The following MSN variants were observed in gnomAD, a reference collection of about 807,000 sequenced individuals.
The protein encoded by MSN is epididymis luminal protein 70.
Under a neutral mutation model 48.0 loss-of-function variants are expected in MSN, and 2 were observed. The observed-to-expected ratio is 0.04, with a 90% CI of 0.02 to 0.13. The LOEUF (loss-of-function observed/expected upper bound fraction) is 0.13. MSN is among the 10% of genes least tolerant of loss of function. MSN has a pLI of 1.00. For synonymous variants in MSN, 146 were observed against 166.9 expected, an observed-to-expected ratio of 0.87 and a Z score of 0.97; for missense variants, 267 against 470.1, an observed-to-expected ratio of 0.57 and a Z score of 3.99.
intron 1 of MSN, among the ~76,000 whole-genome samples, chrX:65,615,715 T>C (rs2070364464): frequency 1.8e-5 from 2 of 109,009 alleles, no homozygotes; most frequent in Admixed American, 2.0e-4. Context: ...TTTAATTAGA[T>C]CCCATTTGTC....
chrX:65,606,315 G>A (rs779300164), intron 1 of MSN, among the ~76,000 whole-genome samples: 1 of 107,741 alleles, frequency 9.3e-6, no homozygotes, highest in African/African-American at 3.4e-5. Flanking sequence ...TTTTAGTAGA[G>A]ATGGGGTTTC....
At chrX:65,647,844 G>A (rs1274965193) in intron 1 of MSN, among the ~76,000 whole-genome samples, 1 of 112,079 alleles carries the variant, frequency 8.9e-6, no homozygotes, top group Admixed American at 9.5e-5. Context: ...CCATGACAAC[G>A]ATTCTTTTCA....
chrX:65,592,487 C>T (rs2070155784), intron 1 of MSN, among the ~76,000 whole-genome samples: 1 of 109,568 alleles, frequency 9.1e-6, no homozygotes, highest in African/African-American at 3.3e-5. Flanking sequence ...AGCCACTGTG[C>T]CTGGTCTCTC....
intron 1 of MSN, among the ~76,000 whole-genome samples, chrX:65,595,060 T>C (rs976607749): frequency 9.0e-6 from 1 of 111,619 alleles, no homozygotes. Flanking sequence ...AGTAGGGCCT[T>C]CCCTGAATAC....
At chrX:65,631,835 C>T (rs1490074640) in intron 1 of MSN, among the ~76,000 whole-genome samples, 6 of 111,237 alleles carry the variant, frequency 5.4e-5, no homozygotes, top group Non-Finnish European at 1.1e-4. Flanking sequence ...CTACACCTGG[C>T]TGATTTTTTC....
At chrX:65,726,560 A>G (rs1180724731) in intron 2 of MSN, among the ~76,000 whole-genome samples, 1 of 110,989 alleles carries the variant, frequency 9.0e-6, no homozygotes, top group African/African-American at 3.3e-5. Flanking sequence ...TTGGATGCAT[A>G]ATAGAAACTT....
intron 1 of MSN, among the ~76,000 whole-genome samples, chrX:65,613,474 A>ACAC (rs1470670049): frequency 8.7e-6 from 1 of 114,471 alleles, no homozygotes; most frequent in Non-Finnish European, 1.9e-5. Flanking sequence ...TGGTTGAACT[A>ACAC]ATTTTCACTC....
At chrX:65,608,017 G>T (rs1240608132) in intron 1 of MSN, among the ~76,000 whole-genome samples, 1 of 111,622 alleles carries the variant, frequency 9.0e-6, no homozygotes, top group African/African-American at 3.3e-5. Flanking sequence ...AGGGTGCAAG[G>T]GCAGGTGGAA....
chrX:65,679,485 A>G (rs1293459092), intron 1 of MSN, among the ~76,000 whole-genome samples: 1 of 111,706 alleles, frequency 9.0e-6, no homozygotes, highest in Non-Finnish European at 1.9e-5. Flanking sequence ...TCTAGTCAGG[A>G]AGATTGCCAC....
At chrX:65,651,887 C>T (rs1163754058) in intron 1 of MSN, among the ~76,000 whole-genome samples, 2 of 107,893 alleles carry the variant, frequency 1.9e-5, no homozygotes, top group African/African-American at 6.7e-5. Flanking sequence ...CGTGAGCCAC[C>T]GCACCCGGCC....
At chrX:65,736,400 A>G (rs1360161706) in intron 8 of MSN, among the ~76,000 whole-genome samples, 1 of 107,781 alleles carries the variant, frequency 9.3e-6, no homozygotes, top group Non-Finnish European at 1.9e-5. Flanking sequence ...GGTTGGGTTG[A>G]GAGACCCAGA....
At chrX:65,675,527 C>T (rs1319670624) in intron 1 of MSN, among the ~76,000 whole-genome samples, 2 of 111,559 alleles carry the variant, frequency 1.8e-5, no homozygotes, top group African/African-American at 6.5e-5. Flanking sequence ...CAGATATAAG[C>T]ATAGATGAAG....
intron 1 of MSN, among the ~76,000 whole-genome samples, chrX:65,669,519 AAGAC>A (rs1432307121): frequency 8.9e-6 from 1 of 111,967 alleles, no homozygotes; most frequent in Non-Finnish European, 1.9e-5. Context: ...AGTGGCAAAG[AAGAC>A]AAGACAGCGT....
chrX:65,735,349 G>A lies in MSN; in HGVS notation c.878G>A (p.Arg293His). Residue 293 changes from arginine (R) to histidine (H), a missense_variant, in exon 8 of 13, where the codon CGC (arginine) becomes CAC (histidine). Around this residue, in one of 5 missense-constraint regions of MSN, gnomAD observed 58 missense variants for 104.6 expected, o/e 0.55. Coordinates refer to ENST00000360270, the MANE Select transcript of MSN (RefSeq NM_002444.3). ...LCMGNHELYM[R>H]RRKPDTIEVQ... is the part of the protein sequence containing the mutation. ...ATGGGGAACCATGAACTATACATGCGCCGTCGCAAGCCTGATACCATTGAG... is the reference window on the plus strand; with the variant it reads ...ATGGGGAACCATGAACTATACATGCACCGTCGCAAGCCTGATACCATTGAG... The A allele has an allele frequency of 1.7e-6, 2 of 1,208,731 alleles. No individual in the cohort carries two copies. Among genetic ancestry groups the A allele is most frequent in the Non-Finnish European group, 1.1e-6 (1 of 894,075 alleles).
At chrX:65,725,415 T>TC (rs1174231017) in intron 2 of MSN, among the ~76,000 whole-genome samples, 1 of 109,998 alleles carries the variant, frequency 9.1e-6, no homozygotes, top group Non-Finnish European at 1.9e-5. Flanking sequence ...TCTCTCTCTC[T>TC]TTTTTTTTCT....
chrX:65,664,249 T>A (rs2070849319), upstream of MSN, among the ~76,000 whole-genome samples: 1 of 110,805 alleles, frequency 9.0e-6, no homozygotes, highest in Admixed American at 9.6e-5. Flanking sequence ...ATGTTCTCAC[T>A]TATAAGTGGG....
chrX:65,681,902 C>A (rs1379374083), intron 1 of MSN, among the ~76,000 whole-genome samples: 1 of 111,363 alleles, frequency 9.0e-6, no homozygotes, highest in Non-Finnish European at 1.9e-5. Flanking sequence ...ACATAGGTGC[C>A]CCTACAGCCA....
At chrX:65,653,624 T>C (rs183469463) in intron 1 of MSN, among the ~76,000 whole-genome samples, 11 of 108,866 alleles carry the variant, frequency 1.0e-4, no homozygotes, top group Middle Eastern at 4.7e-3. Context: ...CAGGCAAGCA[T>C]GGGAGCCTGT....
chrX:65,670,537 A>ACCCTGT (rs2070921514), intron 1 of MSN, among the ~76,000 whole-genome samples: 2 of 109,649 alleles, frequency 1.8e-5, no homozygotes, highest in Non-Finnish European at 3.8e-5. Flanking sequence ...AGCCTGACCA[A>ACCCTGT]CATGGTGAAA....
Sources: allele counts gnomAD v4.1 joint callset (sites outside exome capture counted in the v4.1 genomes callset), GRCh38; gene constraint gnomAD v4.1.1; regional missense constraint gnomAD v4.1.1; transcripts MANE v1.5; gene names NCBI Gene and HGNC (gene_info 2026-07-23, HGNC 2026-07-21).